RILPL1: variants seen among roughly 807,000 people sequenced by gnomAD.
RILPL1 encodes the protein Rab interacting lysosomal protein like 1.
RILPL1 carries 33 observed loss-of-function variants against 50.3 expected under a neutral mutation model. The observed-to-expected ratio is 0.66, with a 90% CI of 0.50 to 0.88. The LOEUF (loss-of-function observed/expected upper bound fraction) is 0.88. RILPL1 is among the 40% of genes least tolerant of loss of function. RILPL1 has a pLI of 0.00. For missense variants in RILPL1, 418 were observed against 542.5 expected (o/e 0.77, Z 2.28); for synonymous variants, 205 against 228.6 (o/e 0.90, Z 0.93).
chr12:123,501,494 G>T (rs550236594), intron 2 of RILPL1, among the ~76,000 whole-genome samples: 1 of 152,004 alleles, frequency 6.6e-6, no homozygotes, highest in South Asian at 2.1e-4. Flanking sequence ...GGTGCCGGTG[G>T]CTCACGCCTG....
chr12:123,521,694 TATGTATATATATATAAATATATATATAC>T (rs1456846606), intron 2 of RILPL1, among the ~76,000 whole-genome samples: 3 of 48,526 alleles, frequency 6.2e-5, no homozygotes, highest in Admixed American at 6.0e-4. Flanking sequence ...TACACACATA[TATGTATATATATATAAATATATATATAC>T]ACACATATAT....
At chr12:123,527,094 G>A (rs566306460) in intron 1 of RILPL1, among the ~76,000 whole-genome samples, 1 of 152,170 alleles carries the variant, frequency 6.6e-6, no homozygotes, top group Non-Finnish European at 1.5e-5. Context: ...AATTTAGGAG[G>A]CTGAGGTGGG....
intron 4 of RILPL1, among the ~76,000 whole-genome samples, chr12:123,490,728 G>A (rs995770824): frequency 2.3e-4 from 32 of 140,334 alleles, no homozygotes; most frequent in African/African-American, 7.7e-4. Flanking sequence ...GTGAGCCATT[G>A]TGTCTGGCCC....
intron 2 of RILPL1, among the ~76,000 whole-genome samples, chr12:123,521,780 C>CT (rs1239306073): frequency 5.0e-5 from 7 of 140,796 alleles, no homozygotes; most frequent in South Asian, 4.4e-4. Context: ...TGTATATATA[C>CT]TTTTTTTTTT....
intron 6 of RILPL1, chr12:123,475,043 G>C (rs769213304): frequency 1.3e-5 from 2 of 152,608 alleles, no homozygotes; most frequent in Non-Finnish European, 2.9e-5. Flanking sequence ...GTGAATGAAG[G>C]CACAATTCTC....
intron 6 of RILPL1, among the ~76,000 whole-genome samples, chr12:123,477,227 A>T (rs1356565324): frequency 1.3e-5 from 2 of 152,128 alleles, no homozygotes; most frequent in African/African-American, 4.8e-5. Flanking sequence ...ATAAAGATAA[A>T]ATAATTGTCT....
intron 2 of RILPL1, among the ~76,000 whole-genome samples, chr12:123,511,818 T>A (rs1401467292): frequency 1.9e-5 from 2 of 107,338 alleles, no homozygotes. Flanking sequence ...GTGAGGTCTG[T>A]GTGTGTGTGT....
chr12:123,483,089 C>CCCACAGGGCTTTCAA, intron 6 of RILPL1, among the ~76,000 whole-genome samples: 1 of 152,374 alleles, frequency 6.6e-6, no homozygotes, highest in Non-Finnish European at 1.5e-5. Flanking sequence ...CCAACCCACA[C>CCCACAGGGCTTTCAA]GCCCTGTTTT....
chr12:123,493,205 T>C (rs914760420), intron 4 of RILPL1, among the ~76,000 whole-genome samples: 3 of 152,218 alleles, frequency 2.0e-5, no homozygotes, highest in African/African-American at 7.2e-5. Context: ...AGGTGGGACA[T>C]GCGGGCAGCA....
At chr12:123,509,628 T>C (rs1593579337) in intron 2 of RILPL1, among the ~76,000 whole-genome samples, 2 of 151,002 alleles carry the variant, frequency 1.3e-5, no homozygotes. Context: ...CCTGAAGACC[T>C]TATGCTTAGT....
intron 1 of RILPL1, among the ~76,000 whole-genome samples, chr12:123,532,703 TGGGG>T (rs371925078): frequency 4.2e-5 from 1 of 23,628 alleles, no homozygotes; most frequent in Non-Finnish European, 9.8e-5. Flanking sequence ...CTGGGGAGAC[TGGGG>T]GGGGGGGGGA....
chr12:123,478,675 C>G (rs1007216831), intron 6 of RILPL1, among the ~76,000 whole-genome samples: 1 of 152,314 alleles, frequency 6.6e-6, no homozygotes, highest in South Asian at 2.1e-4. Flanking sequence ...CCTTTCCAGT[C>G]CTCGAGGCCA....
At chr12:123,494,940 C>A (rs527366559) in intron 4 of RILPL1, among the ~76,000 whole-genome samples, 1 of 152,202 alleles carries the variant, frequency 6.6e-6, no homozygotes, top group Admixed American at 6.5e-5. Flanking sequence ...CTCTGCCTGG[C>A]CTTTATCCTT....
At chr12:123,502,189 C>T (rs974241129) in intron 2 of RILPL1, among the ~76,000 whole-genome samples, 4 of 151,642 alleles carry the variant, frequency 2.6e-5, no homozygotes, top group Admixed American at 1.3e-4. Context: ...AGGAAGACAA[C>T]GATTTTTAAA....
In RILPL1 at chr12:123,491,648, T is replaced by TG. The variant is rs1882693415; in HGVS notation, c.802-5844_802-5843insC. Among the ~76,000 whole-genome samples the TG allele has an allele frequency of 6.6e-6, 1 of 152,208 alleles. No individual in the cohort carries two copies. On this transcript the variant is annotated intron_variant, in intron 4 of 6. Transcript: ENST00000376874. This position sits in a 1 kb window ranked among gnomAD's most constrained non-coding sequence, Gnocchi z 4.0. The stretch of plus-strand genomic sequence containing the variant: ...AATTCTGCCCGCCTTTCAGCCAGCA[T>TG]ACGCCTGTCTGCTTTCCCTATGCAG...
intron 2 of RILPL1, chr12:123,513,991 A>G (rs1221604266): frequency 6.6e-6 from 1 of 152,186 alleles, no homozygotes; most frequent in African/African-American, 2.4e-5. Context: ...CGTCGAAAAC[A>G]CTGAGATAGA....
chr12:123,520,971 C>A (rs1044661340), intron 2 of RILPL1, among the ~76,000 whole-genome samples: 11 of 152,164 alleles, frequency 7.2e-5, no homozygotes, highest in African/African-American at 2.2e-4. Context: ...GAGACAGAAG[C>A]CTTCCTTCAG....
chr12:123,498,258 C>A lies in RILPL1; in HGVS notation c.801+286G>T, dbSNP rs985185671. Reference sequence around the variant, plus strand: ...TTTAGACAGGTCTGGCTCTGTTACCCAGGCTGCAGCGCAGTTGTGCAATCA... The same window carrying A: ...TTTAGACAGGTCTGGCTCTGTTACCAAGGCTGCAGCGCAGTTGTGCAATCA... On this transcript the variant is annotated intron_variant, in intron 4 of 6. Coordinates refer to ENST00000376874, the MANE Select transcript of RILPL1 (RefSeq NM_178314.5). This position sits in a 1 kb window ranked among gnomAD's most constrained non-coding sequence, Gnocchi z 4.3. 5.3e-5 allele frequency among the ~76,000 whole-genome samples: 8 copies of A among 151,978 alleles called. No homozygotes were observed. Among genetic ancestry groups the A allele is most frequent in the African/African-American group, 1.7e-4 (7 of 41,424 alleles).
rs1881192089 is a variant in RILPL1 at position 123,471,581 on chromosome 12, C to CT, written c.*956dup. The CT allele has an allele frequency of 6.6e-6, 1 of 152,178 alleles. No individual in the cohort carries two copies. Among genetic ancestry groups the CT allele is most frequent in the South Asian group, 2.1e-4 (1 of 4,820 alleles). 9.4% of individuals were successfully genotyped at this position (152,178 alleles called of 1,614,324 possible). A position where few individuals can be genotyped will look rare whatever the true frequency, so the allele number is the denominator to read the frequency against. ...AGAGCATCTGGCTCTCTGTCTGCTG[C>CT]TATAGCCCTGTGAGTCAGCCAGACG... On this transcript the variant is annotated 3_prime_UTR_variant, in exon 7 of 7. Coordinates refer to ENST00000376874, the MANE Select transcript of RILPL1 (RefSeq NM_178314.5).
Sources: gnomAD v4.1 joint callset for allele counts (sites outside exome capture counted in the v4.1 genomes callset) on GRCh38, gnomAD v4.1.1 for gene constraint, Gnocchi (gnomAD v3.1) non-coding constraint, MANE v1.5 for transcripts, NCBI Gene and HGNC (gene_info 2026-07-23, HGNC 2026-07-21) for gene names.